PI4KA: variants seen among roughly 807,000 people sequenced by gnomAD.
The protein encoded by PI4KA is phosphatidylinositol 4-kinase alpha, also known as PI4-kinase alpha.
A neutral mutation model predicts 271.4 loss-of-function variants in PI4KA; 122 were observed. That is an observed-to-expected ratio of 0.45 (90% confidence interval 0.39 to 0.52). The LOEUF (loss-of-function observed/expected upper bound fraction) is 0.52, where lower values mean the gene tolerates loss of function less well. PI4KA is among the 20% of genes least tolerant of loss of function. The probability of loss-of-function intolerance (pLI) is 0.00; values close to 1 mark genes in which losing one functional copy is unlikely to be tolerated. For synonymous variants in PI4KA, 1,041 were observed against 1,078.8 expected, an observed-to-expected ratio of 0.96 and a Z score of 0.69; for missense variants, 1,969 against 2,769.1, an observed-to-expected ratio of 0.71 and a Z score of 6.48.
chr22:20,850,331 T>C (rs982831555), intron 1 of PI4KA, among the ~76,000 whole-genome samples: 3 of 151,292 alleles, frequency 2.0e-5, no homozygotes, highest in Admixed American at 6.6e-5. Context: ...AGGCCAGGAG[T>C]TCAAGACTAG....
chr22:20,739,471 A>C (rs1355173041), intron 32 of PI4KA, among the ~76,000 whole-genome samples: 1 of 150,116 alleles, frequency 6.7e-6, no homozygotes, highest in African/African-American at 2.4e-5. Flanking sequence ...GTCTTCAGGA[A>C]AAAAAAAAAA....
intron 42 of PI4KA, among the ~76,000 whole-genome samples, chr22:20,724,972 CAT>C (rs1568957097): frequency 6.6e-6 from 1 of 152,242 alleles, no homozygotes; most frequent in Admixed American, 6.5e-5. Context: ...TGGCTCCACA[CAT>C]ATCACCACTC....
At position 20,763,020 on chromosome 22, in the gene PI4KA, G is replaced by T. The variant is rs866471580; in HGVS notation, c.2709-1634C>A. Among the ~76,000 whole-genome samples, 4 of 76,942 alleles carry T rather than the reference G, an allele frequency of 5.2e-5. 1 individual carries two copies. The highest frequency in any genetic ancestry group is 1.0e-4 in the Non-Finnish European group (4 of 38,388). The allele number at this position is 76,942 out of a possible 152,430, so 50.5% of individuals were successfully genotyped here. On this transcript the variant is annotated intron_variant, in intron 22 of 54. Coordinates refer to ENST00000255882, the MANE Select transcript of PI4KA (RefSeq NM_058004.4). ...TAGGTTTTTTTGCTTTTTTTTTTGG[G>T]GGGGGGGGGGGTTAGAGACAAGTTC... is the stretch of plus-strand genomic sequence containing the variant.
At chr22:20,820,156 C>T (rs17758477) in intron 5 of PI4KA, among the ~76,000 whole-genome samples, 3,753 of 152,290 alleles carry the variant, frequency 0.025, 55 homozygotes, top group Non-Finnish European at 0.038. Flanking sequence ...ATTCATGGCA[C>T]ACCCAAATCA....
rs148283794 is a variant in PI4KA, at chr22:20,755,755, T to C, written c.2792-2575A>G. Among the ~76,000 whole-genome samples the C allele has an allele frequency of 3.1e-3, 469 of 151,522 alleles. 6 individuals are homozygous for C. In the East Asian group the frequency reaches 0.055, roughly 18 times the overall value. On this transcript the variant is annotated intron_variant, in intron 23 of 54. Coordinates refer to ENST00000255882, the MANE Select transcript of PI4KA (RefSeq NM_058004.4). ...AGGTAGAGGTTGCAGGGAGCTGAGA[T>C]TGTGCCACTGCACTCTAGGCTGGGT...
chr22:20,823,868 C>T (rs966324044), intron 4 of PI4KA, among the ~76,000 whole-genome samples: 3 of 151,956 alleles, frequency 2.0e-5, no homozygotes, highest in African/African-American at 7.3e-5. Flanking sequence ...TTGAGGTGGA[C>T]GGCAGAGGTT....
At chr22:20,811,757 T>C (rs1223414054) in intron 8 of PI4KA, among the ~76,000 whole-genome samples, 3 of 152,188 alleles carry the variant, frequency 2.0e-5, no homozygotes, top group Non-Finnish European at 2.9e-5. Context: ...CTCACGCCTG[T>C]AATCCCAGCA....
chr22:20,743,132 A>G (rs751789569), intron 30 of PI4KA, among the ~76,000 whole-genome samples: 9 of 152,034 alleles, frequency 5.9e-5, no homozygotes, highest in Non-Finnish European at 1.2e-4. Context: ...AATGACTCAA[A>G]CAACAATATC....
At chr22:20,786,987 C>A (rs1012494244) in intron 19 of PI4KA, 1 of 1,614,044 alleles carries the variant, frequency 6.2e-7, no homozygotes, top group African/African-American at 1.3e-5. Flanking sequence ...GTCGACCGCC[C>A]CTTTCTTTTC....
chr22:20,733,604 A>C, intron 35 of PI4KA, 132 bp downstream of exon 35: 2 of 1,381,478 alleles, frequency 1.4e-6, no homozygotes, highest in Admixed American at 4.4e-5. Context: ...GGGATACTGA[A>C]GGAGGAGGTT....
chr22:20,721,860 A>T, intron 42 of PI4KA: 1 of 167,524 alleles, frequency 6.0e-6, no homozygotes, highest in Admixed American at 5.7e-5. Context: ...TGATATGATT[A>T]GGTTTTGTGT....
intron 29 of PI4KA, among the ~76,000 whole-genome samples, chr22:20,746,843 G>A (rs115736555): frequency 4.9e-4 from 74 of 152,224 alleles, no homozygotes; most frequent in African/African-American, 1.7e-3. Context: ...ACATCCTCAG[G>A]CCCCACAAAA....
intron 1 of PI4KA, among the ~76,000 whole-genome samples, chr22:20,844,613 G>A (rs1926020054): frequency 6.6e-6 from 1 of 152,178 alleles, no homozygotes; most frequent in South Asian, 2.1e-4. Context: ...AAATGCTCTT[G>A]GAAACTGGGA....
intron 14 of PI4KA, 135 bp from the exon 15 acceptor site, chr22:20,799,901 A>T (rs561731589): frequency 1.2e-5 from 7 of 601,492 alleles, no homozygotes; most frequent in Non-Finnish European, 2.1e-5. Flanking sequence ...ATTGGAGGTC[A>T]TAACACAGAA....
chr22:20,803,170 G>C, intron 13 of PI4KA, 21 bp downstream of exon 13: 1 of 1,613,230 alleles, frequency 6.2e-7, no homozygotes, highest in East Asian at 2.2e-5. Context: ...AGGGCCTGAA[G>C]GGCACATAGT....
At chr22:20,712,251 T>G in intron 50 of PI4KA, 1 of 288,946 alleles carries the variant, frequency 3.5e-6, no homozygotes, top group Non-Finnish European at 5.2e-6. Flanking sequence ...AGAGACAGGG[T>G]TCACCATTTT....
chr22:20,767,331 C>A (rs2147408354), intron 19 of PI4KA, among the ~76,000 whole-genome samples: 1 of 152,056 alleles, frequency 6.6e-6, no homozygotes, highest in South Asian at 2.1e-4. Flanking sequence ...ATAGTCCCAG[C>A]TACTCAGGAG....
intron 19 of PI4KA, chr22:20,779,365 G>C: frequency 6.2e-7 from 1 of 1,614,210 alleles, no homozygotes; most frequent in South Asian, 1.1e-5. Flanking sequence ...ACATCTGCGT[G>C]GGGTGGGAGC....
At chr22:20,838,315 A>C (rs1440577909) in intron 2 of PI4KA, among the ~76,000 whole-genome samples, 1 of 152,182 alleles carries the variant, frequency 6.6e-6, no homozygotes, top group Admixed American at 6.5e-5. Context: ...CCTGGAAGGC[A>C]CACAATTACT....
Sources: allele counts gnomAD v4.1 joint callset (sites outside exome capture counted in the v4.1 genomes callset), GRCh38; gene constraint gnomAD v4.1.1; transcripts MANE v1.5; gene names NCBI Gene and HGNC (gene_info 2026-07-23, HGNC 2026-07-21).